The following FIP1L1 variants were observed in gnomAD, a reference collection of about 807,000 sequenced individuals.
FIP1L1 encodes factor interacting with PAPOLA and CPSF1.
In FIP1L1, 21 loss-of-function variants were observed where a neutral mutation model predicts 84.6. The ratio of observed to expected loss-of-function variants is 0.25; its 90% CI spans 0.18 to 0.36. The LOEUF is 0.36. FIP1L1 is among the 10% of genes least tolerant of loss of function. FIP1L1 has a pLI of 1.00. For missense variants in FIP1L1, 526 were observed against 751.1 expected (o/e 0.70, Z 3.50); for synonymous variants, 263 against 242.3 (o/e 1.09, Z -0.80).
At chr4:53,408,998 C>T (rs549678424) in intron 10 of FIP1L1, among the ~76,000 whole-genome samples, 13 of 152,340 alleles carry the variant, frequency 8.5e-5, no homozygotes, top group South Asian at 2.1e-4. Flanking sequence ...CTCAACTCGT[C>T]AAAGGCATTC....
chr4:53,451,702 TATATC>T (rs1305066104), intron 15 of FIP1L1, among the ~76,000 whole-genome samples: 4 of 152,204 alleles, frequency 2.6e-5, no homozygotes, highest in African/African-American at 9.6e-5. Flanking sequence ...TCTTCTAACT[TATATC>T]CTATTGTGGT....
chr4:53,382,445 A>G, intron 4 of FIP1L1, 110 bp downstream of exon 4: 2 of 776,312 alleles, frequency 2.6e-6, no homozygotes, highest in Middle Eastern at 2.5e-4. Context: ...ATCAGGTGTT[A>G]TCTGGCCCTT....
chr4:53,441,764 T>C (rs761727982), intron 13 of FIP1L1, among the ~76,000 whole-genome samples: 4 of 151,958 alleles, frequency 2.6e-5, no homozygotes, highest in African/African-American at 7.2e-5. Context: ...AGTATGACAG[T>C]GGAATACCTC....
chr4:53,411,664 C>T (rs1413780698), intron 10 of FIP1L1, among the ~76,000 whole-genome samples: 1 of 152,098 alleles, frequency 6.6e-6, no homozygotes, highest in Non-Finnish European at 1.5e-5. Context: ...CCATTGTTTA[C>T]AATCTTAGAT....
intron 9 of FIP1L1, among the ~76,000 whole-genome samples, chr4:53,396,856 C>G (rs1368803861): frequency 6.6e-6 from 1 of 152,098 alleles, no homozygotes; most frequent in East Asian, 1.9e-4. Flanking sequence ...ACCAGTGAAC[C>G]ATTTATTTTC....
intron 10 of FIP1L1, among the ~76,000 whole-genome samples, chr4:53,402,823 A>G (rs1750996393): frequency 6.6e-6 from 1 of 152,180 alleles, no homozygotes; most frequent in African/African-American, 2.4e-5. Context: ...AAGGGATGAG[A>G]TGTAATATGA....
At chr4:53,437,679 T>C (rs1770015627) in intron 13 of FIP1L1, among the ~76,000 whole-genome samples, 1 of 151,788 alleles carries the variant, frequency 6.6e-6, no homozygotes, top group Admixed American at 6.6e-5. Context: ...CAGGTGATTC[T>C]CATGCATGTT....
In FIP1L1 at chr4:53,460,676, A is replaced by ATGTT; in HGVS notation, c.*1228_*1231dup. 2.3e-6 allele frequency: 1 copy of ATGTT among 437,786 alleles called. No homozygotes were observed. The highest frequency in any genetic ancestry group is 4.0e-6 in the Non-Finnish European group (1 of 251,138). 27.1% of individuals were successfully genotyped at this position (437,786 alleles called of 1,614,324 possible). On this transcript the variant is annotated 3_prime_UTR_variant, in exon 18 of 18. Coordinates refer to ENST00000337488, the MANE Select transcript of FIP1L1 (RefSeq NM_030917.4). ...TTATTGAATAGAAAAAATATAAACA[A>ATGTT]TGTTGTAGAGTAATGAGAAATCCTC... is the stretch of plus-strand genomic sequence containing the variant.
intron 5 of FIP1L1, 42 bp downstream of exon 5, chr4:53,383,918 A>G: frequency 2.5e-6 from 4 of 1,582,720 alleles, no homozygotes; most frequent in Non-Finnish European, 3.4e-6. Context: ...TAAATGCTAT[A>G]TAGTAAGGAG....
intron 4 of FIP1L1, among the ~76,000 whole-genome samples, chr4:53,382,663 T>TA (rs1423224318): frequency 3.9e-5 from 6 of 152,372 alleles, no homozygotes; most frequent in South Asian, 2.1e-4. Flanking sequence ...CTTTCACTGT[T>TA]ACGATTTTTT....
intron 10 of FIP1L1, among the ~76,000 whole-genome samples, chr4:53,412,816 A>G (rs1315501077): frequency 6.6e-6 from 1 of 152,088 alleles, no homozygotes; most frequent in Non-Finnish European, 1.5e-5. Context: ...TTCCTCTTCA[A>G]ACTTTTTAGG....
intron 17 of FIP1L1, 28 bp from the exon 18 acceptor site, chr4:53,459,274 C>CA: frequency 5.0e-6 from 6 of 1,197,776 alleles, no homozygotes; most frequent in Non-Finnish European, 7.0e-6. Flanking sequence ...AAACAGAACA[C>CA]ACCTTTTTTT....
chr4:53,460,838 A>G lies in FIP1L1; in HGVS notation c.*1389A>G. On this transcript the variant is annotated 3_prime_UTR_variant, in exon 18 of 18. Transcript: ENST00000337488. ...TTCTTTAAATATAAAAACTGACAAG[A>G]TAAATATAGTGTTTCAACTTCTTAG... 1 of 1,364,142 alleles carries G rather than the reference A, an allele frequency of 7.3e-7. No individual in the cohort carries two copies. The highest frequency in any genetic ancestry group is 1.0e-6 in the Non-Finnish European group (1 of 989,788). 84.5% of individuals were successfully genotyped at this position (1,364,142 alleles called of 1,614,324 possible). A position where few individuals can be genotyped will look rare whatever the true frequency, so the allele number is the denominator to read the frequency against.
chr4:53,444,125 C>T (rs759510107), intron 15 of FIP1L1, 22 bp downstream of exon 15: 2 of 1,471,650 alleles, frequency 1.4e-6, no homozygotes, highest in East Asian at 2.3e-5. Context: ...TATTTAGATG[C>T]CTAGATTCAG....
At chr4:53,399,587 C>G (rs1435436986) in intron 9 of FIP1L1, 143 bp from the exon 10 acceptor site, 2 of 591,804 alleles carry the variant, frequency 3.4e-6, no homozygotes, top group South Asian at 2.3e-5. Flanking sequence ...CTAAAATAGG[C>G]TAATTTTAAT....
intron 11 of FIP1L1, 160 bp from the exon 12 acceptor site, chr4:53,425,712 T>A: frequency 3.8e-6 from 2 of 523,650 alleles, no homozygotes; most frequent in Non-Finnish European, 6.9e-6. Context: ...CAATGCAAAG[T>A]AGTGAGCTTA....
At chr4:53,425,806 C>T in intron 11 of FIP1L1, 66 bp from the exon 12 acceptor site, 2 of 1,153,254 alleles carry the variant, frequency 1.7e-6, no homozygotes, top group South Asian at 1.4e-5. Context: ...TTATTTCTCA[C>T]TGCTTTTATT....
chr4:53,378,127 A>T (rs1735632739), intron 1 of FIP1L1: 2 of 460,776 alleles, frequency 4.3e-6, no homozygotes, highest in Middle Eastern at 5.5e-4. Context: ...CACCATGCGC[A>T]TCCACCCCTG....
intron 15 of FIP1L1, among the ~76,000 whole-genome samples, 170 bp downstream of exon 15, chr4:53,444,273 T>G (rs1300556323): frequency 6.6e-6 from 1 of 152,190 alleles, no homozygotes; most frequent in Non-Finnish European, 1.5e-5. Context: ...AACAATAAAT[T>G]TAATGTATTT....
Sources: gnomAD v4.1 joint callset for allele counts (sites outside exome capture counted in the v4.1 genomes callset) on GRCh38, gnomAD v4.1.1 for gene constraint, MANE v1.5 for transcripts, NCBI Gene and HGNC (gene_info 2026-07-23, HGNC 2026-07-21) for gene names.